PDE10A: variants seen among roughly 807,000 people sequenced by gnomAD.
PDE10A encodes the protein cAMP and cAMP-inhibited cGMP 3',5'-cyclic phosphodiesterase 10A.
A neutral mutation model predicts 97.7 loss-of-function variants in PDE10A; 39 were observed. The observed-to-expected ratio is 0.40, with a 90% CI of 0.31 to 0.52. The LOEUF is 0.52. PDE10A is among the 20% of genes least tolerant of loss of function. The pLI, the probability that PDE10A is intolerant of heterozygous loss-of-function variation, is 0.56. For synonymous variants in PDE10A, 371 were observed against 376.8 expected, an observed-to-expected ratio of 0.98 and a Z score of 0.18; for missense variants, 731 against 1,047.8, an observed-to-expected ratio of 0.70 and a Z score of 4.17.
chr6:165,907,708 G>A (rs1782334153), intron 1 of PDE10A, among the ~76,000 whole-genome samples: 1 of 152,240 alleles, frequency 6.6e-6, no homozygotes, highest in Admixed American at 6.5e-5. Context: ...GGATGCCTCA[G>A]ACCAGTGATG....
chr6:165,378,056 A>C (rs1784719714), intron 18 of PDE10A, among the ~76,000 whole-genome samples: 1 of 152,240 alleles, frequency 6.6e-6, no homozygotes, highest in Non-Finnish European at 1.5e-5. Context: ...TTTGAAGGTA[A>C]GTTGAATCAC....
chr6:165,383,501 T>C (rs113952037), intron 17 of PDE10A, among the ~76,000 whole-genome samples: 195 of 152,254 alleles, frequency 1.3e-3, no homozygotes, highest in Middle Eastern at 6.8e-3. Context: ...AGTGTCTCAG[T>C]TCTCTGCCCC....
intron 1 of PDE10A, among the ~76,000 whole-genome samples, chr6:165,913,912 C>T (rs1188696852): frequency 6.6e-6 from 1 of 152,248 alleles, no homozygotes; most frequent in East Asian, 1.9e-4. Context: ...ATCTTTTTCT[C>T]CTAACAACTC....
rs3895227 is a variant in PDE10A, at chr6:165,656,258, T to A, written c.865+5689A>T. ...CCAACTCTCTCTCTCTCTCTCTCTCTCACACACACACACACACACACACAC... is the reference window on the plus strand; with the variant it reads ...CCAACTCTCTCTCTCTCTCTCTCTCACACACACACACACACACACACACAC... On this transcript the variant is annotated intron_variant, in intron 1 of 21. Transcript: ENST00000539869. Among the ~76,000 whole-genome samples the A allele has an allele frequency of 3.4e-3, 440 of 129,890 alleles. 5 individuals carry two copies. The highest frequency in any genetic ancestry group is 0.01 in the African/African-American group (328 of 32,034). 85.2% of individuals were successfully genotyped at this position (129,890 alleles called of 152,430 possible). A position where few individuals can be genotyped will look rare whatever the true frequency, so the allele number is the denominator to read the frequency against.
chr6:165,915,163 G>A (rs915025966), intron 1 of PDE10A, among the ~76,000 whole-genome samples: 23 of 152,080 alleles, frequency 1.5e-4, no homozygotes, highest in African/African-American at 1.2e-4. Flanking sequence ...TGGAAAATGC[G>A]TCGTCAAACT....
chr6:165,727,086 C>T (rs758932731), intron 1 of PDE10A, among the ~76,000 whole-genome samples: 1 of 152,180 alleles, frequency 6.6e-6, no homozygotes, highest in Non-Finnish European at 1.5e-5. Flanking sequence ...CCAGAATCTG[C>T]GCGTGGGCTG....
chr6:165,566,619 G>A (rs913788513), intron 1 of PDE10A, among the ~76,000 whole-genome samples: 1 of 152,164 alleles, frequency 6.6e-6, no homozygotes, highest in African/African-American at 2.4e-5. Flanking sequence ...CCAAGGAGAA[G>A]ATTCTGGAGA....
At chr6:165,395,931 A>G (rs1344798093) in intron 14 of PDE10A, among the ~76,000 whole-genome samples, 1 of 152,186 alleles carries the variant, frequency 6.6e-6, no homozygotes, top group Non-Finnish European at 1.5e-5. Flanking sequence ...GAGTCAAACT[A>G]TGACAAAATT....
chr6:165,720,572 TC>T (rs1253045565), intron 1 of PDE10A, among the ~76,000 whole-genome samples: 4 of 152,218 alleles, frequency 2.6e-5, no homozygotes, highest in Admixed American at 2.0e-4. Context: ...TCATCAAATG[TC>T]CCTTGAGGTA....
chr6:165,481,810 C>T (rs1332224517), intron 3 of PDE10A, among the ~76,000 whole-genome samples: 5 of 152,176 alleles, frequency 3.3e-5, no homozygotes, highest in Admixed American at 1.3e-4. Context: ...GCTTTCAACA[C>T]GAGTTGTCAT....
chr6:165,829,556 G>C (rs1779853541), intron 1 of PDE10A, among the ~76,000 whole-genome samples: 1 of 152,232 alleles, frequency 6.6e-6, no homozygotes, highest in Non-Finnish European at 1.5e-5. Context: ...GAACCGGGCA[G>C]GTGAAATGTG....
intron 1 of PDE10A, among the ~76,000 whole-genome samples, chr6:165,969,958 T>C (rs994296168): frequency 3.3e-5 from 5 of 151,984 alleles, no homozygotes; most frequent in African/African-American, 1.2e-4. Context: ...AGGGAAAGAG[T>C]GTAATTTTAC....
intron 1 of PDE10A, among the ~76,000 whole-genome samples, chr6:165,794,558 G>A (rs990832696): frequency 6.0e-4 from 90 of 150,526 alleles, no homozygotes; most frequent in African/African-American, 2.1e-3. Flanking sequence ...CACTCACAAG[G>A]TCACTTACAC....
chr6:165,557,272 GA>G (rs1356188588), intron 1 of PDE10A, among the ~76,000 whole-genome samples: 1 of 152,046 alleles, frequency 6.6e-6, no homozygotes, highest in African/African-American at 2.4e-5. Context: ...AATCTGGTGG[GA>G]AAAGAAACAA....
intron 1 of PDE10A, among the ~76,000 whole-genome samples, chr6:165,547,098 C>T (rs916506489): frequency 5.3e-5 from 8 of 152,104 alleles, no homozygotes; most frequent in Non-Finnish European, 8.8e-5. Context: ...CAGTAAATCG[C>T]ACAGACAGAC....
intron 21 of PDE10A, among the ~76,000 whole-genome samples, chr6:165,334,153 A>G (rs1043719588): frequency 6.6e-6 from 1 of 152,230 alleles, no homozygotes; most frequent in Middle Eastern, 3.2e-3. Flanking sequence ...CGTTAATAAG[A>G]TTAAAATGGC....
At chr6:165,794,586 CAT>C (rs944485093) in intron 1 of PDE10A, among the ~76,000 whole-genome samples, 69 of 150,902 alleles carry the variant, frequency 4.6e-4, no homozygotes, top group African/African-American at 1.5e-3. Context: ...CCTACACACA[CAT>C]ATTCACTCAC....
chr6:165,573,345 G>T (rs545643197), intron 1 of PDE10A, among the ~76,000 whole-genome samples: 1 of 150,060 alleles, frequency 6.7e-6, no homozygotes, highest in East Asian at 2.0e-4. Context: ...TACTAGTCTT[G>T]AACAGTTCCA....
chr6:165,796,468 G>C (rs1457524469), intron 1 of PDE10A, among the ~76,000 whole-genome samples: 1 of 152,020 alleles, frequency 6.6e-6, no homozygotes. Flanking sequence ...TCTTATTTTG[G>C]TTTCCCCAAA....
Sources: gnomAD v4.1 joint callset for allele counts (sites outside exome capture counted in the v4.1 genomes callset) on GRCh38, gnomAD v4.1.1 for gene constraint, MANE v1.5 for transcripts, NCBI Gene and HGNC (gene_info 2026-07-23, HGNC 2026-07-21) for gene names.